The following POLR3B variants were observed in gnomAD, a reference collection of about 807,000 sequenced individuals.
The protein encoded by POLR3B is RNA polymerase III subunit B.
A neutral mutation model predicts 147.4 loss-of-function variants in POLR3B; 96 were observed. The ratio of observed to expected loss-of-function variants is 0.65; its 90% confidence interval spans 0.55 to 0.77. The LOEUF (loss-of-function observed/expected upper bound fraction) is 0.77, where lower values mean the gene tolerates loss of function less well. Among genes scored for constraint, POLR3B ranks in the 30% least tolerant of loss-of-function variants. The probability of loss-of-function intolerance (pLI) is 0.00; values close to 1 mark genes in which losing one functional copy is unlikely to be tolerated. For synonymous variants in POLR3B, 461 were observed against 485.9 expected (o/e 0.95, Z 0.67); for missense variants, 1,036 against 1,413.5 (o/e 0.73, Z 4.28).
At chr12:106,445,471 G>A (rs1359522569) in intron 19 of POLR3B, among the ~76,000 whole-genome samples, 2 of 152,098 alleles carry the variant, frequency 1.3e-5, no homozygotes, top group African/African-American at 4.8e-5. Context: ...AGAGGTCTCA[G>A]TACTTTAGTG....
chr12:106,454,171 C>T (rs371754216), intron 19 of POLR3B, among the ~76,000 whole-genome samples: 22 of 152,244 alleles, frequency 1.4e-4, no homozygotes, highest in African/African-American at 4.8e-4. Context: ...GCCTGGAACA[C>T]GGTAGAACCA....
chr12:106,500,277 T>A (rs2038577648), intron 25 of POLR3B: 2 of 416,608 alleles, frequency 4.8e-6, no homozygotes, highest in African/African-American at 2.1e-5. Context: ...AAAAGGTTTC[T>A]TCTGTCAAAG....
chr12:106,455,509 TA>T (rs2037853501), intron 20 of POLR3B, among the ~76,000 whole-genome samples: 1 of 152,188 alleles, frequency 6.6e-6, no homozygotes, highest in African/African-American at 2.4e-5. Context: ...GATTAACTGG[TA>T]ACGTTTATGT....
At position 106,430,411 on chromosome 12, in the gene POLR3B, C is replaced by T. The variant is rs2037492695; in HGVS notation, c.1402C>T (p.Pro468Ser). The T allele has an allele frequency of 1.9e-6, 3 of 1,613,588 alleles. No individual in the cohort carries two copies. The highest frequency in any genetic ancestry group is 1.7e-6 in the Non-Finnish European group (2 of 1,179,896). The part of the protein sequence containing the change: ...QFEKTRKVSG[P>S]RSLQPSQWGM... ...TGAAAAAACGAGAAAAGTGAGTGGT[C>T]CTCGCTCCCTCCAGCCATCTCAGTG... Residue 468 changes from proline to serine, a missense_variant, in exon 14 of 28, where the codon CCT (proline) becomes TCT (serine). Physicochemically the swap from Pro to Ser is moderately conservative, Grantham distance 74. Around this residue, in one of 12 missense-constraint regions of POLR3B, gnomAD observed 4 missense variants for 25.1 expected, o/e 0.16. Transcript: ENST00000228347.
chr12:106,440,267 C>T (rs2037632580), intron 18 of POLR3B, among the ~76,000 whole-genome samples: 1 of 152,146 alleles, frequency 6.6e-6, no homozygotes, highest in Non-Finnish European at 1.5e-5. Flanking sequence ...TTTTTCACTA[C>T]CTCAATCCAT....
In POLR3B at chr12:106,426,997, G is replaced by A. The variant is rs148121623; in HGVS notation, c.1102-200G>A. Reference sequence around the variant, plus strand: ...TGAGTATGTCATCATCTTTGCTCTCGTTTAAATGCCTAGCACGGTGTTAAG... The same window carrying A: ...TGAGTATGTCATCATCTTTGCTCTCATTTAAATGCCTAGCACGGTGTTAAG... On this transcript the variant is annotated intron_variant, in intron 12 of 27. Transcript: ENST00000228347. 1.1e-3 allele frequency among the ~76,000 whole-genome samples: 170 copies of A among 152,034 alleles called. 2 individuals are homozygous for A. Among genetic ancestry groups the A allele is most frequent in the African/African-American group, 4.0e-3 (165 of 41,448 alleles).
In POLR3B at chr12:106,405,277, C is replaced by T. The variant is rs1593022685; in HGVS notation, c.847-580C>T. Among the ~76,000 whole-genome samples, 4 of 152,014 alleles carry T rather than the reference C, an allele frequency of 2.6e-5. No individual in the cohort carries two copies. In the South Asian group the frequency reaches 6.2e-4, roughly 24 times the overall value. On this transcript the variant is annotated intron_variant, in intron 10 of 27. Transcript: ENST00000228347. The stretch of plus-strand genomic sequence containing the variant: ...GTTTTTGCTTTTTAAGCCTGCTAAG[C>T]GTATAATGAACAGTTATGAATGTAT...
intron 10 of POLR3B, among the ~76,000 whole-genome samples, chr12:106,402,894 C>G (rs1230460733): frequency 6.6e-6 from 1 of 152,136 alleles, no homozygotes; most frequent in African/African-American, 2.4e-5. Flanking sequence ...AGGACATAGG[C>G]ATGGGCAGGG....
At chr12:106,396,264 G>C (rs1946816159) in intron 10 of POLR3B, among the ~76,000 whole-genome samples, 1 of 152,160 alleles carries the variant, frequency 6.6e-6, no homozygotes, top group Non-Finnish European at 1.5e-5. Flanking sequence ...TTAGTTGGGG[G>C]AAAACTGAAC....
rs117426750 is a variant in POLR3B, at chr12:106,478,491, G to A, written c.2713+14871G>A. ...TAGCTGACCTTTCCCTTGTAGTGAG[G>A]AGTTTTGTCTTGCTACTTTTTTTTT... On this transcript the variant is annotated intron_variant, in intron 23 of 27. Coordinates refer to ENST00000228347, the MANE Select transcript of POLR3B (RefSeq NM_018082.6). Among the ~76,000 whole-genome samples, 1,128 of 152,176 alleles carry A rather than the reference G, an allele frequency of 7.4e-3. 6 individuals carry two copies. The highest frequency in any genetic ancestry group is 0.012 in the Non-Finnish European group (849 of 67,994).
rs145943115 is a variant in POLR3B at position 106,468,444 on chromosome 12, A to G, written c.2713+4824A>G. 0.012 allele frequency among the ~76,000 whole-genome samples: 1,775 copies of G among 151,862 alleles called. 99 individuals carry two copies. The East Asian group carries it at 0.13, about 11-fold the overall frequency. ...TTTTTTGACAGGTTTTTGTGTCTCT[A>G]TCTCCTTCAGTTCTGCTCTGATCTT... On this transcript the variant is annotated intron_variant, in intron 23 of 27. Transcript: ENST00000228347.
Position 106,430,263 on chromosome 12 carries a change from C to G in POLR3B, c.1264-10C>G, listed in dbSNP as rs1452796946. 5.0e-6 allele frequency: 8 copies of G among 1,606,408 alleles called. No homozygotes were observed. The highest frequency in any genetic ancestry group is 6.0e-6 in the Non-Finnish European group (7 of 1,173,110). On this transcript the variant is annotated splice_polypyrimidine_tract_variant and intron_variant, in intron 13 of 27. Transcript: ENST00000228347. ...TTAGGAATAGTCTTATGTCTTTCATCTCCCTACAGGGAAATTGGTCTTTAA... is the reference window on the plus strand; with the variant it reads ...TTAGGAATAGTCTTATGTCTTTCATGTCCCTACAGGGAAATTGGTCTTTAA...
intron 23 of POLR3B, among the ~76,000 whole-genome samples, chr12:106,468,839 G>T (rs1331886853): frequency 6.6e-6 from 1 of 152,168 alleles, no homozygotes; most frequent in East Asian, 1.9e-4. Context: ...TTTTACATTT[G>T]CTGAGGAGTC....
intron 10 of POLR3B, among the ~76,000 whole-genome samples, chr12:106,393,767 TACACACACACACACACACACACAC>T (rs34402190): frequency 7.8e-6 from 1 of 127,910 alleles, no homozygotes; most frequent in African/African-American, 2.9e-5. Context: ...GACTGAGAAA[TACACACACACACACACACACACAC>T]ACACACACAC....
chr12:106,503,376 A>G (rs1243196981), intron 26 of POLR3B, among the ~76,000 whole-genome samples: 3 of 152,210 alleles, frequency 2.0e-5, no homozygotes, highest in Non-Finnish European at 4.4e-5. Context: ...TACAGCAAAC[A>G]AGGGGTGTAT....
At chr12:106,419,303 C>T (rs1016382954) in intron 12 of POLR3B, among the ~76,000 whole-genome samples, 3 of 152,154 alleles carry the variant, frequency 2.0e-5, no homozygotes, top group Non-Finnish European at 2.9e-5. Flanking sequence ...AAGATCCAGG[C>T]TTTTCTATCT....
chr12:106,481,193 A>G (rs2038262631), intron 23 of POLR3B, among the ~76,000 whole-genome samples: 1 of 152,200 alleles, frequency 6.6e-6, no homozygotes, highest in South Asian at 2.1e-4. Context: ...GAGGGAAGCC[A>G]CTGGAGAGGG....
rs770560138 is a variant in POLR3B, at chr12:106,509,522, G to A, written c.3375G>A (p.Arg1125=). The change falls in exon 28 of 28, where the codon AGG becomes AGA. Residue 1125 remains arginine, a synonymous_variant. Coordinates refer to ENST00000228347, the MANE Select transcript of POLR3B (RefSeq NM_018082.6). The part of the protein sequence containing the change: ...QELQSMNIIP[R]LKLSKYNE ...TACAGTCTATGAACATCATCCCCAG[G>A]TTAAAACTGTCCAAGTACAATGAAT... 10 of 1,613,038 alleles carry A rather than the reference G, an allele frequency of 6.2e-6. No homozygotes were observed. The highest frequency in any genetic ancestry group is 2.2e-5 in the East Asian group (1 of 44,866).
At chr12:106,506,820 C>T (rs1027955425) in intron 27 of POLR3B, among the ~76,000 whole-genome samples, 3 of 152,134 alleles carry the variant, frequency 2.0e-5, no homozygotes, top group East Asian at 1.9e-4. Context: ...GCCGCTGCCT[C>T]GGGTGCTGCT....
Sources: allele counts gnomAD v4.1 joint callset (sites outside exome capture counted in the v4.1 genomes callset), GRCh38; gene constraint gnomAD v4.1.1; regional missense constraint gnomAD v4.1.1; transcripts MANE v1.5; gene names NCBI Gene and HGNC (gene_info 2026-07-23, HGNC 2026-07-21).